The following GFRA1 variants were observed in gnomAD, a reference collection of about 807,000 sequenced individuals.
GFRA1 encodes the protein GDNF family receptor alpha-1.
Under a neutral mutation model 51.6 loss-of-function variants are expected in GFRA1, and 16 were observed. The observed-to-expected ratio is 0.31, with a 90% CI of 0.21 to 0.47. The LOEUF (loss-of-function observed/expected upper bound fraction) is 0.47, where lower values mean the gene tolerates loss of function less well. Ranked by LOEUF, GFRA1 falls within the 20% of genes least tolerant of loss-of-function variation. The probability of loss-of-function intolerance (pLI) is 1.00; values close to 1 mark genes in which losing one functional copy is unlikely to be tolerated. For synonymous variants in GFRA1, 270 were observed against 241.3 expected, an observed-to-expected ratio of 1.12 and a Z score of -1.10; for missense variants, 530 against 594.3, an observed-to-expected ratio of 0.89 and a Z score of 1.13.
chr10:116,201,797 A>T (rs1964354113), intron 5 of GFRA1, among the ~76,000 whole-genome samples: 1 of 152,136 alleles, frequency 6.6e-6, no homozygotes, highest in African/African-American at 2.4e-5. Context: ...ATTCATTCTA[A>T]GTCCAAACAC....
intron 5 of GFRA1, among the ~76,000 whole-genome samples, chr10:116,132,081 G>A (rs1958127536): frequency 6.6e-6 from 1 of 152,004 alleles, no homozygotes; most frequent in Admixed American, 6.6e-5. Flanking sequence ...GGTGGCATGT[G>A]CCTGTAGTCC....
chr10:116,144,524 C>T (rs1283697540), intron 5 of GFRA1, among the ~76,000 whole-genome samples: 4 of 151,498 alleles, frequency 2.6e-5, no homozygotes, highest in Non-Finnish European at 4.4e-5. Flanking sequence ...CAAATACACC[C>T]AAGGAATGAT....
At chr10:116,185,816 A>G (rs955515793) in intron 5 of GFRA1, among the ~76,000 whole-genome samples, 2 of 152,198 alleles carry the variant, frequency 1.3e-5, no homozygotes, top group Admixed American at 6.5e-5. Flanking sequence ...TAGCAGGGCA[A>G]TAAAGCCTAA....
rs181373321 is a variant in GFRA1 at position 116,125,597 on chromosome 10, G to A, written c.434-40C>T. On this transcript the variant is annotated intron_variant, in intron 5 of 10. Coordinates refer to ENST00000355422, the MANE Select transcript of GFRA1 (RefSeq NM_005264.8). The stretch of plus-strand genomic sequence containing the variant: ...AAAGACAGGCATGGTCACAGTGCTC[G>A]GCTCTGTGTTCTCACCTACTCTGTT... 3.6e-5 allele frequency: 53 copies of A among 1,466,130 alleles called. No homozygotes were observed. In the African/African-American group the frequency reaches 4.8e-4, roughly 13 times the overall value. The allele number at this position is 1,466,130 out of a possible 1,614,324, so 90.8% of individuals were successfully genotyped here.
intron 4 of GFRA1, among the ~76,000 whole-genome samples, chr10:116,229,445 G>A (rs1966544789): frequency 6.6e-6 from 1 of 152,180 alleles, no homozygotes; most frequent in African/African-American, 2.4e-5. Flanking sequence ...AGGCCCTACA[G>A]AATCCTCAGT....
intron 5 of GFRA1, among the ~76,000 whole-genome samples, chr10:116,152,546 C>T (rs1959104072): frequency 6.6e-6 from 1 of 152,176 alleles, no homozygotes; most frequent in Non-Finnish European, 1.5e-5. Context: ...TGACAACTCA[C>T]TCATCACCAA....
Position 116,065,555 on chromosome 10 carries a change from C to CAAAAGAAACATACTTACAT in GFRA1, c.1250_1251+17dup. ...TGTTTCTATAAATGCACGAAGCCTC[C>CAAAAGAAACATACTTACAT]AAAAGAAACATACTTACATTGGAAA... On this transcript the variant is annotated intron_variant, in intron 10 of 10. Coordinates refer to ENST00000355422, the MANE Select transcript of GFRA1 (RefSeq NM_005264.8). The CAAAAGAAACATACTTACAT allele has an allele frequency of 6.2e-7, 1 of 1,604,836 alleles. No individual in the cohort carries two copies. The highest frequency in any genetic ancestry group is 2.2e-5 in the East Asian group (1 of 44,770).
At chr10:116,094,717 A>G (rs903366104) in intron 7 of GFRA1, among the ~76,000 whole-genome samples, 2 of 152,208 alleles carry the variant, frequency 1.3e-5, no homozygotes, top group Admixed American at 6.5e-5. Context: ...ATTTTGTTCT[A>G]AACTTCTCTG....
At chr10:116,176,351 T>C (rs1312721363) in intron 5 of GFRA1, among the ~76,000 whole-genome samples, 1 of 152,132 alleles carries the variant, frequency 6.6e-6, no homozygotes, top group African/African-American at 2.4e-5. Flanking sequence ...CAAATCCCAT[T>C]TTGAGATGTA....
intron 4 of GFRA1, among the ~76,000 whole-genome samples, chr10:116,249,449 GC>G (rs1382130710): frequency 4.6e-5 from 7 of 152,268 alleles, no homozygotes; most frequent in Middle Eastern, 3.4e-3. Flanking sequence ...ACAGCAATTT[GC>G]CAGAATCCTG....
intron 5 of GFRA1, among the ~76,000 whole-genome samples, chr10:116,209,966 G>A (rs1263891284): frequency 2.6e-5 from 4 of 152,082 alleles, no homozygotes; most frequent in Admixed American, 6.6e-5. Flanking sequence ...ATAAGGGAGC[G>A]GCCGCCCACT....
At chr10:116,157,592 T>C (rs1289927825) in intron 5 of GFRA1, among the ~76,000 whole-genome samples, 1 of 152,138 alleles carries the variant, frequency 6.6e-6, no homozygotes, top group African/African-American at 2.4e-5. Flanking sequence ...TTCCTATTCA[T>C]CCTTGAAGAA....
chr10:116,087,337 T>TC (rs911337796), intron 9 of GFRA1, among the ~76,000 whole-genome samples: 6 of 152,262 alleles, frequency 3.9e-5, no homozygotes, highest in Admixed American at 3.9e-4. Context: ...CCCTCTCCTC[T>TC]CATGGGGGAA....
chr10:116,140,437 T>C (rs1958512680), intron 5 of GFRA1, among the ~76,000 whole-genome samples: 1 of 152,212 alleles, frequency 6.6e-6, no homozygotes, highest in African/African-American at 2.4e-5. Flanking sequence ...TATTTGATAG[T>C]ATAAGTGGGA....
At chr10:116,100,534 G>A (rs1340080389) in intron 6 of GFRA1, among the ~76,000 whole-genome samples, 1 of 152,200 alleles carries the variant, frequency 6.6e-6, no homozygotes, top group African/African-American at 2.4e-5. Flanking sequence ...GTAGTGATGG[G>A]AAAATATGCT....
intron 4 of GFRA1, among the ~76,000 whole-genome samples, chr10:116,245,601 A>C (rs1404906647): frequency 6.6e-6 from 1 of 152,248 alleles, no homozygotes; most frequent in Non-Finnish European, 1.5e-5. Context: ...TGAGTTGAAA[A>C]GTTAGGTCCA....
At chr10:116,220,574 G>A (rs1965854735) in intron 4 of GFRA1, among the ~76,000 whole-genome samples, 1 of 152,172 alleles carries the variant, frequency 6.6e-6, no homozygotes, top group Admixed American at 6.5e-5. Context: ...TAACCATCAG[G>A]ACAGCTCCCA....
chr10:116,258,421 T>A (rs911167911), intron 4 of GFRA1, among the ~76,000 whole-genome samples: 41 of 131,422 alleles, frequency 3.1e-4, no homozygotes, highest in African/African-American at 1.0e-3. Context: ...ATTAATAAAA[T>A]AAATATAAAA....
At chr10:116,167,224 G>A (rs1960552446) in intron 5 of GFRA1, among the ~76,000 whole-genome samples, 1 of 152,022 alleles carries the variant, frequency 6.6e-6, no homozygotes, top group South Asian at 2.1e-4. Flanking sequence ...TTTGCCAACG[G>A]CTCCAAAAGT....
Sources: gnomAD v4.1 joint callset for allele counts (sites outside exome capture counted in the v4.1 genomes callset) on GRCh38, gnomAD v4.1.1 for gene constraint, MANE v1.5 for transcripts, NCBI Gene and HGNC (gene_info 2026-07-23, HGNC 2026-07-21) for gene names.